CEP57L1: variants seen among roughly 807,000 people sequenced by gnomAD.
CEP57L1 encodes centrosomal protein CEP57L1.
Under a neutral mutation model 61.0 loss-of-function variants are expected in CEP57L1, and 37 were observed. The observed-to-expected ratio is 0.61, with a 90% CI of 0.47 to 0.80. The LOEUF (loss-of-function observed/expected upper bound fraction) is 0.80, where lower values mean the gene tolerates loss of function less well. CEP57L1 is among the 30% of genes least tolerant of loss of function. The probability of loss-of-function intolerance (pLI) is 0.00; values close to 1 mark genes in which losing one functional copy is unlikely to be tolerated. For missense variants in CEP57L1, 422 were observed against 524.7 expected, an observed-to-expected ratio of 0.80 and a Z score of 1.91; for synonymous variants, 137 against 162.3, an observed-to-expected ratio of 0.84 and a Z score of 1.19.
chr6:109,150,846 A>G (rs1256020619), intron 4 of CEP57L1, among the ~76,000 whole-genome samples: 3 of 152,126 alleles, frequency 2.0e-5, no homozygotes, highest in Admixed American at 1.3e-4. Flanking sequence ...GCCCGGGGGA[A>G]GTATCCTTCA....
chr6:109,134,116 G>T (rs1262280766), intron 1 of CEP57L1, among the ~76,000 whole-genome samples: 1 of 152,080 alleles, frequency 6.6e-6, no homozygotes, highest in Admixed American at 6.6e-5. Flanking sequence ...CAAAAAAAGA[G>T]AATTTTAGAC....
At chr6:109,102,886 A>G (rs1266773254) in intron 1 of CEP57L1, among the ~76,000 whole-genome samples, 1 of 152,194 alleles carries the variant, frequency 6.6e-6, no homozygotes, top group Non-Finnish European at 1.5e-5. Context: ...TTTATCTGGA[A>G]TGTATCAGGA....
intron 1 of CEP57L1, among the ~76,000 whole-genome samples, chr6:109,120,557 T>C (rs1163588304): frequency 6.6e-6 from 1 of 152,202 alleles, no homozygotes; most frequent in Non-Finnish European, 1.5e-5. Context: ...TTTGTGACTT[T>C]CTGTGCTGTT....
chr6:109,112,402 A>C (rs1231787683), intron 1 of CEP57L1, among the ~76,000 whole-genome samples: 4 of 151,210 alleles, frequency 2.6e-5, no homozygotes, highest in Non-Finnish European at 5.9e-5. Flanking sequence ...CGTCTATTTG[A>C]TTCTTCTCTC....
At chr6:109,140,413 T>C (rs965241136) in intron 1 of CEP57L1, 4 of 150,552 alleles carry the variant, frequency 2.7e-5, no homozygotes, top group Admixed American at 2.0e-4. Context: ...TTTTTTTTTT[T>C]TTTTTAGACA....
chr6:109,148,805 G>A (rs1772261887), intron 3 of CEP57L1, among the ~76,000 whole-genome samples: 1 of 152,120 alleles, frequency 6.6e-6, no homozygotes, highest in Admixed American at 6.5e-5. Flanking sequence ...TTTAATGATT[G>A]CCATTCTAAC....
chr6:109,128,017 G>A (rs764721262), intron 1 of CEP57L1, among the ~76,000 whole-genome samples: 199 of 152,268 alleles, frequency 1.3e-3, no homozygotes, highest in African/African-American at 4.5e-3. Context: ...AAGGCAGTGA[G>A]TCTCAGCTAC....
At chr6:109,113,962 C>A (rs1017559274) in intron 1 of CEP57L1, among the ~76,000 whole-genome samples, 1 of 152,040 alleles carries the variant, frequency 6.6e-6, no homozygotes, top group Non-Finnish European at 1.5e-5. Context: ...TAAATGGACA[C>A]TTAGGTTGTT....
At chr6:109,157,746 A>AT (rs1202373033) in intron 7 of CEP57L1, 2 of 152,208 alleles carry the variant, frequency 1.3e-5, no homozygotes, top group African/African-American at 4.8e-5. Flanking sequence ...CTTTTATTCT[A>AT]TAAACAGGAA....
intron 1 of CEP57L1, among the ~76,000 whole-genome samples, chr6:109,101,720 C>T (rs1181995901): frequency 1.3e-5 from 2 of 151,698 alleles, no homozygotes; most frequent in Non-Finnish European, 2.9e-5. Context: ...GCCGGGTTCA[C>T]GCCATTCTCC....
At chr6:109,102,412 T>C (rs1770417649) in intron 1 of CEP57L1, among the ~76,000 whole-genome samples, 1 of 152,252 alleles carries the variant, frequency 6.6e-6, no homozygotes, top group African/African-American at 2.4e-5. Flanking sequence ...AAGTCCTATA[T>C]CAGACCTGCA....
chr6:109,104,733 C>T lies in CEP57L1; in HGVS notation c.-4+9158C>T, dbSNP rs1427858269. ...AAGTAGCTGGGAACACATGTGTGTG[C>T]CACCACACCCAGCTAATTAAAAAAT... is the stretch of plus-strand genomic sequence containing the variant. On this transcript the variant is annotated intron_variant, in intron 1 of 10. Transcript: ENST00000517392. Among the ~76,000 whole-genome samples the T allele has an allele frequency of 2.0e-5, 3 of 152,014 alleles. No individual in the cohort carries two copies. In the East Asian group the frequency reaches 5.8e-4, roughly 29 times the overall value.
intron 1 of CEP57L1, among the ~76,000 whole-genome samples, chr6:109,123,149 C>T (rs1413495242): frequency 6.6e-6 from 1 of 152,102 alleles, no homozygotes; most frequent in African/African-American, 2.4e-5. Context: ...CTATATCTAA[C>T]TCAGTACTCA....
intron 1 of CEP57L1, among the ~76,000 whole-genome samples, chr6:109,103,903 GAT>G (rs1770614792): frequency 6.6e-6 from 1 of 151,822 alleles, no homozygotes; most frequent in Non-Finnish European, 1.5e-5. Flanking sequence ...ATAGGGGTAA[GAT>G]ATTAAAATTA....
At chr6:109,127,875 G>A (rs1018921557) in intron 1 of CEP57L1, among the ~76,000 whole-genome samples, 5 of 151,458 alleles carry the variant, frequency 3.3e-5, no homozygotes, top group African/African-American at 1.2e-4. Context: ...TGATCCGCCC[G>A]CCTCGGCCTC....
chr6:109,109,877 T>C (rs1347915022), intron 1 of CEP57L1, among the ~76,000 whole-genome samples: 1 of 152,256 alleles, frequency 6.6e-6, no homozygotes, highest in Admixed American at 6.5e-5. Context: ...ACTCATTCTT[T>C]TTTATGGCTG....
rs78664891 is a variant in CEP57L1 at position 109,124,770 on chromosome 6, G to A, written c.-3-20449G>A. 8.3e-3 allele frequency among the ~76,000 whole-genome samples: 1,262 copies of A among 152,206 alleles called. 23 individuals are homozygous for A. Among genetic ancestry groups the A allele is most frequent in the African/African-American group, 0.029 (1,210 of 41,524 alleles). On this transcript the variant is annotated intron_variant, in intron 1 of 10. Coordinates refer to ENST00000517392, the MANE Select transcript of CEP57L1 (RefSeq NM_001271852.3). ...CAGAATACTACTAGTTCAGTACCAA[G>A]TATTCACCCTTCATGTCTCAGTTAA...
In CEP57L1 at chr6:109,125,738, G is replaced by A. The variant is rs1489688492; in HGVS notation, c.-3-19481G>A. 3.3e-5 allele frequency among the ~76,000 whole-genome samples: 5 copies of A among 150,928 alleles called. No homozygotes were observed. The South Asian group carries it at 6.2e-4, about 19-fold the overall frequency. ...TTGATTGATTGATTGATTGATAGACGGGTGGATAGAGATGTTTAAAGTTCA... is the reference window on the plus strand; with the variant it reads ...TTGATTGATTGATTGATTGATAGACAGGTGGATAGAGATGTTTAAAGTTCA... On this transcript the variant is annotated intron_variant, in intron 1 of 10. Coordinates refer to ENST00000517392, the MANE Select transcript of CEP57L1 (RefSeq NM_001271852.3).
intron 10 of CEP57L1, among the ~76,000 whole-genome samples, chr6:109,162,244 CAT>C (rs1773781329): frequency 6.6e-6 from 1 of 151,992 alleles, no homozygotes; most frequent in Non-Finnish European, 1.5e-5. Context: ...TACATATGCA[CAT>C]GTGTGTGTAT....
Sources: gnomAD v4.1 joint callset for allele counts (sites outside exome capture counted in the v4.1 genomes callset) on GRCh38, gnomAD v4.1.1 for gene constraint, MANE v1.5 for transcripts, NCBI Gene and HGNC (gene_info 2026-07-23, HGNC 2026-07-21) for gene names.